Variants in PIK3C2G observed in about 807,000 individuals in gnomAD.
PIK3C2G encodes the protein phosphatidylinositol-4-phosphate 3-kinase catalytic subunit type 2 gamma.
A neutral mutation model predicts 181.1 loss-of-function variants in PIK3C2G; 168 were observed. The observed-to-expected ratio is 0.93, with a 90% CI of 0.82 to 1.05. The LOEUF (loss-of-function observed/expected upper bound fraction) is 1.05. Among genes scored for constraint, PIK3C2G ranks in the 50% least tolerant of loss-of-function variants. The pLI, the probability that PIK3C2G is intolerant of heterozygous loss-of-function variation, is 0.00. For missense variants in PIK3C2G, 1,869 were observed against 1,732.8 expected (o/e 1.08, Z -1.40); for synonymous variants, 573 against 592.2 (o/e 0.97, Z 0.47).
At chr12:18,723,645 A>G in the PIK3C2G span, 2 of 931,260 alleles carry the variant, frequency 2.1e-6, no homozygotes, top group Non-Finnish European at 3.3e-6. Context: ...ACTTGAAAGA[A>G]GATGAAAATT....
Position 18,434,882 on chromosome 12 carries a change from A to G in PIK3C2G, c.2504+10843A>G, listed in dbSNP as rs566919900. On this transcript the variant is annotated intron_variant, in intron 18 of 32. Coordinates refer to ENST00000538779, the MANE Select transcript of PIK3C2G (RefSeq NM_001288772.2). The stretch of plus-strand genomic sequence containing the variant: ...AAGATTACTAGCTAACTACTCCAGT[A>G]AGAATCATCATTTTAATAGACATCC... 3.8e-4 allele frequency among the ~76,000 whole-genome samples: 58 copies of G among 152,328 alleles called. 1 individual carries two copies. The highest frequency in any genetic ancestry group is 3.5e-3 in the South Asian group (17 of 4,826).
At chr12:18,500,383 G>A (rs1301912852) in intron 22 of PIK3C2G, among the ~76,000 whole-genome samples, 1 of 152,160 alleles carries the variant, frequency 6.6e-6, no homozygotes, top group African/African-American at 2.4e-5. Flanking sequence ...GCCTTCCCGC[G>A]GGGCAAGGCT....
rs554821204 is a variant in PIK3C2G, at chr12:18,321,541, T to C, written c.1208+509T>C. ...TGTATTATTTGGAAGAACAGACTTATTGCGTAGCTAAACTGGGAGTTTGGG... is the reference window on the plus strand; with the variant it reads ...TGTATTATTTGGAAGAACAGACTTACTGCGTAGCTAAACTGGGAGTTTGGG... On this transcript the variant is annotated intron_variant, in intron 7 of 32. Coordinates refer to ENST00000538779, the MANE Select transcript of PIK3C2G (RefSeq NM_001288772.2). Among the ~76,000 whole-genome samples, 6 of 152,340 alleles carry C rather than the reference T, an allele frequency of 3.9e-5. No homozygotes were observed. In the East Asian group the frequency reaches 7.7e-4, roughly 20 times the overall value.
intron 28 of PIK3C2G, among the ~76,000 whole-genome samples, chr12:18,564,623 A>G (rs1297684710): frequency 6.6e-6 from 1 of 152,130 alleles, no homozygotes; most frequent in Non-Finnish European, 1.5e-5. Context: ...AAGTCCAGAA[A>G]TTAAGAGCAT....
Position 18,357,972 on chromosome 12 carries a change from C to A in PIK3C2G, c.1626-4792C>A, listed in dbSNP as rs1386877671. Among the ~76,000 whole-genome samples, 5 of 152,252 alleles carry A rather than the reference C, an allele frequency of 3.3e-5. No homozygotes were observed. In the East Asian group the frequency reaches 9.7e-4, roughly 29 times the overall value. On this transcript the variant is annotated intron_variant, in intron 11 of 32. Coordinates refer to ENST00000538779, the MANE Select transcript of PIK3C2G (RefSeq NM_001288772.2). ...AATAATATATCATTGTATGTATATACCATGTTTTCTTCATCTATTCACCCA... is the reference window on the plus strand; with the variant it reads ...AATAATATATCATTGTATGTATATAACATGTTTTCTTCATCTATTCACCCA...
At chr12:18,418,278 G>T (rs985754558) in intron 16 of PIK3C2G, among the ~76,000 whole-genome samples, 1 of 152,120 alleles carries the variant, frequency 6.6e-6, no homozygotes, top group Non-Finnish European at 1.5e-5. Context: ...GCACCTTCAA[G>T]GGAATTTGAT....
chr12:18,449,825 G>C (rs1161261982), intron 18 of PIK3C2G, among the ~76,000 whole-genome samples: 2 of 152,018 alleles, frequency 1.3e-5, no homozygotes, highest in African/African-American at 4.8e-5. Flanking sequence ...CCCACTAATG[G>C]TATTTCTGGT....
chr12:18,658,748 T>C, the PIK3C2G span, among the ~76,000 whole-genome samples: 1 of 152,164 alleles, frequency 6.6e-6, no homozygotes, highest in Non-Finnish European at 1.5e-5. Context: ...AGGTTTTACA[T>C]ATTCTATTTC....
chr12:18,484,655 A>C (rs1039218526), intron 18 of PIK3C2G, among the ~76,000 whole-genome samples: 1 of 152,192 alleles, frequency 6.6e-6, no homozygotes, highest in Non-Finnish European at 1.5e-5. Context: ...TGGGCTAGTC[A>C]GAAAAAACAA....
At chr12:18,432,864 CCAATT>C (rs771719716) in intron 18 of PIK3C2G, among the ~76,000 whole-genome samples, 1 of 152,002 alleles carries the variant, frequency 6.6e-6, no homozygotes, top group Non-Finnish European at 1.5e-5. Context: ...TATCTCATGC[CCAATT>C]CAGATTTCTT....
chr12:18,368,767 T>C (rs1219878078), intron 12 of PIK3C2G, among the ~76,000 whole-genome samples: 1 of 152,208 alleles, frequency 6.6e-6, no homozygotes, highest in African/African-American at 2.4e-5. Context: ...ATTATCTCAG[T>C]GGACACCATG....
chr12:18,634,778 CA>C (rs1172332295), intron 31 of PIK3C2G, among the ~76,000 whole-genome samples: 1 of 152,180 alleles, frequency 6.6e-6, no homozygotes, highest in East Asian at 1.9e-4. Context: ...TGAGTATCCA[CA>C]GAATGGCTCA....
intron 4 of PIK3C2G, 83 bp downstream of exon 4, chr12:18,291,095 T>C: frequency 1.3e-6 from 1 of 765,176 alleles, no homozygotes; most frequent in Non-Finnish European, 2.1e-6. Context: ...TCTGAAGTTA[T>C]TAAAAAATAA....
In PIK3C2G at chr12:18,274,798, T is replaced by TATA. The variant is rs576023289; in HGVS notation, c.-78-7195_-78-7193dup. ...TGCACATGTACCCTAAAACTTAAAG[T>TATA]ATAATAATAATAAAAAAAAGCCTAC... On this transcript the variant is annotated intron_variant, in intron 1 of 32. Coordinates refer to ENST00000538779, the MANE Select transcript of PIK3C2G (RefSeq NM_001288772.2). Among the ~76,000 whole-genome samples the TATA allele has an allele frequency of 5.1e-4, 77 of 152,236 alleles. 3 individuals are homozygous for TATA. The East Asian group carries it at 0.014, about 28-fold the overall frequency.
intron 22 of PIK3C2G, among the ~76,000 whole-genome samples, chr12:18,501,700 G>A (rs1279259444): frequency 6.6e-6 from 1 of 152,140 alleles, no homozygotes; most frequent in Non-Finnish European, 1.5e-5. Flanking sequence ...GCAGAATTTA[G>A]CCACCATGAT....
At chr12:18,575,821 T>C (rs1022106253) in intron 29 of PIK3C2G, among the ~76,000 whole-genome samples, 4 of 152,244 alleles carry the variant, frequency 2.6e-5, no homozygotes, top group South Asian at 2.1e-4. Flanking sequence ...TATTTATCTC[T>C]ATTTTTACCC....
At chr12:18,455,473 G>A (rs1947577255) in intron 18 of PIK3C2G, among the ~76,000 whole-genome samples, 1 of 152,052 alleles carries the variant, frequency 6.6e-6, no homozygotes, top group Admixed American at 6.6e-5. Context: ...CCCTTGAATT[G>A]CAGAATTTTA....
intron 12 of PIK3C2G, among the ~76,000 whole-genome samples, chr12:18,365,811 AT>A (rs954654623): frequency 3.9e-5 from 6 of 152,142 alleles, no homozygotes; most frequent in African/African-American, 1.4e-4. Context: ...CCTAAACTAA[AT>A]TTCTGATCTT....
the PIK3C2G span, among the ~76,000 whole-genome samples, chr12:18,669,315 T>C: frequency 6.6e-6 from 1 of 152,138 alleles, no homozygotes; most frequent in Admixed American, 6.5e-5. Flanking sequence ...ATATGTGTGG[T>C]CTCTTGTATT....
Sources: gnomAD v4.1 joint callset for allele counts (sites outside exome capture counted in the v4.1 genomes callset) on GRCh38, gnomAD v4.1.1 for gene constraint, MANE v1.5 for transcripts, NCBI Gene and HGNC (gene_info 2026-07-23, HGNC 2026-07-21) for gene names.